Variants in DAPK2 observed in about 807,000 individuals in gnomAD.
The protein encoded by DAPK2 is death associated protein kinase 2, also known as death-associated protein kinase 2.
DAPK2 carries 35 observed loss-of-function variants against 44.1 expected under a neutral mutation model. The ratio of observed to expected loss-of-function variants is 0.79; its 90% CI spans 0.61 to 1.05. DAPK2 has a LOEUF of 1.05. Ranked by LOEUF, DAPK2 falls within the 50% of genes least tolerant of loss-of-function variation. DAPK2 has a pLI of 0.00. For missense variants in DAPK2, 453 were observed against 483.2 expected (o/e 0.94, Z 0.59); for synonymous variants, 174 against 182.6 (o/e 0.95, Z 0.38).
At chr15:63,940,160 C>T (rs868211049) in intron 3 of DAPK2, among the ~76,000 whole-genome samples, 1 of 152,324 alleles carries the variant, frequency 6.6e-6, no homozygotes, top group African/African-American at 2.4e-5. Context: ...ACTCAGACTA[C>T]GGTCCCCTCT....
At chr15:63,982,699 C>T (rs1595849302) in intron 2 of DAPK2, among the ~76,000 whole-genome samples, 1 of 152,198 alleles carries the variant, frequency 6.6e-6, no homozygotes, top group Non-Finnish European at 1.5e-5. Flanking sequence ...AAGGCCAACC[C>T]GCCTCACACT....
intron 3 of DAPK2, among the ~76,000 whole-genome samples, chr15:63,969,286 G>C (rs2078141777): frequency 1.3e-5 from 2 of 152,008 alleles, no homozygotes. Flanking sequence ...TGGCCATGGT[G>C]GCATGTTTCT....
intron 5 of DAPK2, 141 bp downstream of exon 6, chr15:63,930,266 C>G: frequency 1.2e-6 from 1 of 863,840 alleles, no homozygotes; most frequent in Non-Finnish European, 1.9e-6. Flanking sequence ...TCTAACACAT[C>G]GGGGGAGCAG....
chr15:63,918,214 C>T (rs2078979792), intron 8 of DAPK2: 1 of 152,356 alleles, frequency 6.6e-6, no homozygotes, highest in Admixed American at 6.5e-5. Flanking sequence ...GGTAGGAAGC[C>T]ACCATCTTCA....
intron 8 of DAPK2, chr15:63,922,545 T>C (rs1186044943): frequency 1.7e-5 from 23 of 1,360,326 alleles, no homozygotes; most frequent in Admixed American, 1.3e-4. Context: ...GAAAACCAGA[T>C]TGGTGAGGGG....
intron 4 of DAPK2, among the ~76,000 whole-genome samples, chr15:63,937,077 C>T (rs1011334127): frequency 9.2e-5 from 14 of 151,808 alleles, no homozygotes; most frequent in African/African-American, 3.4e-4. Flanking sequence ...ATTTTTTAAC[C>T]CTGGGTCTGA....
At chr15:63,985,411 G>C (rs2078642051) in intron 1 of DAPK2, among the ~76,000 whole-genome samples, 1 of 152,196 alleles carries the variant, frequency 6.6e-6, no homozygotes. Context: ...GAGGACAGCG[G>C]GTGCCTTGGT....
At chr15:63,952,893 T>A (rs1374699761) in intron 3 of DAPK2, among the ~76,000 whole-genome samples, 4 of 152,174 alleles carry the variant, frequency 2.6e-5, no homozygotes, top group Non-Finnish European at 5.9e-5. Flanking sequence ...TAGATCATCT[T>A]CATTTATCTA....
rs1470745485 is a variant in DAPK2 at position 63,923,747 on chromosome 15, A to T, written c.858+1069T>A. On this transcript the variant is annotated intron_variant, in intron 8 of 10. Transcript: ENST00000261891. The surrounding 1 kb of genome is among the most constrained non-coding windows in gnomAD (Gnocchi z 4.2). Reference sequence around the variant, plus strand: ...CTTGGGCCTTCCCCATCCTTCAATGAGCTGATGAAGCTGAGCAGATAAAGC... The same window carrying T: ...CTTGGGCCTTCCCCATCCTTCAATGTGCTGATGAAGCTGAGCAGATAAAGC... Among the ~76,000 whole-genome samples the T allele has an allele frequency of 6.6e-6, 1 of 152,192 alleles. No individual in the cohort carries two copies. The highest frequency in any genetic ancestry group is 2.4e-5 in the African/African-American group (1 of 41,462).
intron 1 of DAPK2, among the ~76,000 whole-genome samples, chr15:64,025,581 T>A (rs2079816006): frequency 6.6e-6 from 1 of 152,194 alleles, no homozygotes; most frequent in South Asian, 2.1e-4. Flanking sequence ...ACTTTTACAG[T>A]TTTGCTGTAA....
intron 1 of DAPK2, among the ~76,000 whole-genome samples, chr15:64,027,714 A>G (rs1313368591): frequency 6.6e-6 from 1 of 152,260 alleles, no homozygotes; most frequent in African/African-American, 2.4e-5. Flanking sequence ...TATCTTTACA[A>G]AATTCATAAA....
At chr15:64,039,939 T>C (rs2080309295) in intron 1 of DAPK2, among the ~76,000 whole-genome samples, 1 of 152,242 alleles carries the variant, frequency 6.6e-6, no homozygotes, top group African/African-American at 2.4e-5. Context: ...AGCTAGATTA[T>C]GCTGAAAACA....
At chr15:63,999,693 C>T (rs901640152) in intron 1 of DAPK2, among the ~76,000 whole-genome samples, 5 of 152,102 alleles carry the variant, frequency 3.3e-5, no homozygotes, top group Non-Finnish European at 7.4e-5. Context: ...ATTCCTCTCC[C>T]ACCCTAGCTC....
chr15:63,949,755 T>C (rs1162213208), intron 3 of DAPK2, among the ~76,000 whole-genome samples: 1 of 152,098 alleles, frequency 6.6e-6, no homozygotes, highest in Non-Finnish European at 1.5e-5. Flanking sequence ...TAGATAGGAG[T>C]TCGATTCCAC....
rs573602990 is a variant in DAPK2 at position 64,039,329 on chromosome 15, G to C, written c.92+841C>G. Among the ~76,000 whole-genome samples the C allele has an allele frequency of 2.6e-5, 4 of 152,360 alleles. No homozygotes were observed. In the East Asian group the frequency reaches 7.7e-4, roughly 29 times the overall value. ...GTGTACAAGTGCCAAGCTCATGGGA[G>C]AGGGCATAACAGGTGTGCAGGTGCA... On this transcript the variant is annotated intron_variant, in intron 1 of 10. Transcript: ENST00000261891.
intron 1 of DAPK2, among the ~76,000 whole-genome samples, chr15:64,033,726 G>A (rs931270803): frequency 3.3e-5 from 5 of 152,034 alleles, no homozygotes; most frequent in Non-Finnish European, 7.4e-5. Context: ...GGCTAACACG[G>A]TGAAACCCCG....
intron 2 of DAPK2, among the ~76,000 whole-genome samples, chr15:63,974,066 T>G (rs1046537607): frequency 3.3e-5 from 5 of 152,198 alleles, no homozygotes. Context: ...TAGAATACTG[T>G]TTTTGATGTT....
At chr15:63,909,350 TA>T (rs1378516812) in intron 10 of DAPK2, 8 of 151,078 alleles carry the variant, frequency 5.3e-5, no homozygotes, top group Non-Finnish European at 1.2e-4. Context: ...TTTTTTTTTT[TA>T]AGGAAAGTCC....
At chr15:63,963,194 T>C (rs1567235562) in intron 3 of DAPK2, among the ~76,000 whole-genome samples, 1 of 152,122 alleles carries the variant, frequency 6.6e-6, no homozygotes, top group Admixed American at 6.5e-5. Context: ...GCTAAGGCCA[T>C]TGGAAAAGCG....
Sources: gnomAD v4.1 joint callset for allele counts (sites outside exome capture counted in the v4.1 genomes callset) on GRCh38, gnomAD v4.1.1 for gene constraint, Gnocchi (gnomAD v3.1) non-coding constraint, MANE v1.5 for transcripts, NCBI Gene and HGNC (gene_info 2026-07-23, HGNC 2026-07-21) for gene names.